Variants in ZNF280D observed in about 807,000 individuals in gnomAD.
ZNF280D encodes suppressor of hairy wing homolog 4.
In ZNF280D, 39 loss-of-function variants were observed where a neutral mutation model predicts 94.7. The observed-to-expected ratio is 0.41, with a 90% confidence interval of 0.32 to 0.54. The LOEUF is 0.54. Ranked by LOEUF, ZNF280D falls within the 20% of genes least tolerant of loss-of-function variation. The pLI, the probability that ZNF280D is intolerant of heterozygous loss-of-function variation, is 0.22. For missense variants in ZNF280D, 1,090 were observed against 1,149.3 expected (o/e 0.95, Z 0.75); for synonymous variants, 398 against 377.6 (o/e 1.05, Z -0.63).
intron 1 of ZNF280D, chr15:56,724,825 T>C (rs1239760972): frequency 8.9e-6 from 4 of 448,100 alleles, no homozygotes; most frequent in African/African-American, 6.0e-5. Flanking sequence ...GTCACTGAAG[T>C]AGTGCCAATT....
At chr15:56,639,505 C>T (rs1016347462) in intron 20 of ZNF280D, among the ~76,000 whole-genome samples, 11 of 151,946 alleles carry the variant, frequency 7.2e-5, no homozygotes, top group African/African-American at 1.2e-4. Flanking sequence ...ACATATCATG[C>T]GATTTCAAAA....
intron 6 of ZNF280D, among the ~76,000 whole-genome samples, chr15:56,694,566 T>G (rs929871806): frequency 6.6e-6 from 1 of 152,054 alleles, no homozygotes; most frequent in African/African-American, 2.4e-5. Flanking sequence ...ACGAAATACC[T>G]TTTTTCCAAA....
chr15:56,729,934 GATTTTTT>G lies in ZNF280D; in HGVS notation c.-86+3517_-86+3523del, dbSNP rs2058805515. ...GTTATGTAATTAAATGCATGAAATA[GATTTTTT>G]ATTTTTTATTTTTCTAAGTACATAC... On this transcript the variant is annotated intron_variant, in intron 1 of 21. Transcript: ENST00000267807. 9 of 152,238 alleles carry G rather than the reference GATTTTTT, an allele frequency of 5.9e-5. No homozygotes were observed. The South Asian group carries it at 1.7e-3, about 28-fold the overall frequency. 9.4% of individuals were successfully genotyped at this position (152,238 alleles called of 1,614,324 possible).
intron 1 of ZNF280D, among the ~76,000 whole-genome samples, chr15:56,723,084 G>T (rs78356680): frequency 8.0e-6 from 1 of 124,670 alleles, no homozygotes; most frequent in Non-Finnish European, 1.6e-5. Context: ...ATTGTGGGGT[G>T]GGGGGAGGGG....
In ZNF280D at chr15:56,668,965, G is replaced by C; in HGVS notation, c.1411-8C>G. 1 of 1,589,056 alleles carries C rather than the reference G, an allele frequency of 6.3e-7. No homozygotes were observed. Among genetic ancestry groups the C allele is most frequent in the Non-Finnish European group, 8.5e-7 (1 of 1,171,422 alleles). On this transcript the variant is annotated splice_polypyrimidine_tract_variant and splice_region_variant and intron_variant, in intron 13 of 21. Coordinates refer to ENST00000267807, the MANE Select transcript of ZNF280D (RefSeq NM_017661.4). ...ACGATGTATTCCTTTTTTCTGTTTA[G>C]AAAAAAACAGAAAAAGGGGGAAAAA...
At chr15:56,686,995 CA>C (rs1319537630) in intron 9 of ZNF280D, among the ~76,000 whole-genome samples, 1 of 151,534 alleles carries the variant, frequency 6.6e-6, no homozygotes, top group African/African-American at 2.4e-5. Context: ...TGCTAGTTGG[CA>C]AAAAAATCAT....
Position 56,712,887 on chromosome 15 carries a change from C to T in ZNF280D, c.-85-5581G>A, listed in dbSNP as rs544819848. ...TCCCGAGTAGCTGGGATTATAGGTG[C>T]GCACCATCATGCCCAACTAATTTTG... On this transcript the variant is annotated intron_variant, in intron 1 of 21. Transcript: ENST00000267807. Among the ~76,000 whole-genome samples, 7 of 151,712 alleles carry T rather than the reference C, an allele frequency of 4.6e-5. No individual in the cohort carries two copies. In the South Asian group the frequency reaches 6.3e-4, roughly 14 times the overall value.
chr15:56,730,399 AT>A (rs1197109831), intron 1 of ZNF280D: 2 of 152,216 alleles, frequency 1.3e-5, no homozygotes, highest in Non-Finnish European at 2.9e-5. Flanking sequence ...CAATAGAAAT[AT>A]CCAATTTCCT....
Position 56,630,714 on chromosome 15 carries a change from T to C in ZNF280D, c.*784A>G, listed in dbSNP as rs1403303586. 6.6e-6 allele frequency: 1 copy of C among 152,184 alleles called. No homozygotes were observed. Among genetic ancestry groups the C allele is most frequent in the Non-Finnish European group, 1.5e-5 (1 of 68,014 alleles). The allele number at this position is 152,184 out of a possible 1,614,324, so 9.4% of individuals were successfully genotyped here. A position where few individuals can be genotyped will look rare whatever the true frequency, so the allele number is the denominator to read the frequency against. ...TACAGGAGTTTCAACAATGGGTTTCTACTTTACATTAATACAACTAATACA... is the reference window on the plus strand; with the variant it reads ...TACAGGAGTTTCAACAATGGGTTTCCACTTTACATTAATACAACTAATACA... On this transcript the variant is annotated 3_prime_UTR_variant, in exon 22 of 22. Transcript: ENST00000267807.
chr15:56,679,259 C>T (rs1335778359), intron 10 of ZNF280D, among the ~76,000 whole-genome samples: 1 of 152,132 alleles, frequency 6.6e-6, no homozygotes, highest in African/African-American at 2.4e-5. Flanking sequence ...AACCCTATCA[C>T]CAAAGGCAGC....
At chr15:56,667,761 T>C (rs907923575) in intron 14 of ZNF280D, among the ~76,000 whole-genome samples, 1 of 152,098 alleles carries the variant, frequency 6.6e-6, no homozygotes, top group Admixed American at 6.6e-5. Context: ...AAGGCCTTCC[T>C]AGCCATGTGA....
intron 13 of ZNF280D, among the ~76,000 whole-genome samples, chr15:56,671,096 T>C (rs990833447): frequency 1.3e-5 from 2 of 152,140 alleles, no homozygotes; most frequent in Non-Finnish European, 2.9e-5. Context: ...ATGCATAGTT[T>C]GCAAAAATTT....
intron 6 of ZNF280D, chr15:56,700,499 A>C: frequency 1.0e-6 from 1 of 1,002,058 alleles, no homozygotes; most frequent in Non-Finnish European, 1.2e-6. Context: ...AGTTTTTTGT[A>C]ATAGGAAAAA....
Position 56,658,430 on chromosome 15 carries a change from T to G in ZNF280D, c.2051A>C (p.Asn684Thr). The G allele has an allele frequency of 6.3e-7, 1 of 1,588,728 alleles. No individual in the cohort carries two copies. Among genetic ancestry groups the G allele is most frequent in the Non-Finnish European group, 8.5e-7 (1 of 1,172,232 alleles). ...AAAAAGATCAACTAGTTACCGGAGA[T>G]TTTCTGAATGCTTCTTAAAAATACA... is the stretch of plus-strand genomic sequence containing the variant. ...RFCIFKKHSE[N>T]LRGITLVCLN... is the part of the protein sequence containing the mutation. The change falls in exon 17 of 22, where the codon AAT becomes ACT. Residue 684 changes from asparagine (N) to threonine (T), a missense_variant. Physicochemically the swap from Asn to Thr is moderately conservative, Grantham distance 65. This residue lies in a region of ZNF280D where 577 missense variants were observed against 568.8 expected (regional missense o/e 1.01). Coordinates refer to ENST00000267807, the MANE Select transcript of ZNF280D (RefSeq NM_017661.4).
intron 19 of ZNF280D, chr15:56,652,960 ACAT>A: frequency 1.1e-6 from 1 of 913,526 alleles, no homozygotes; most frequent in African/African-American, 1.8e-5. Context: ...ATAAAAATAG[ACAT>A]CATAAAATAG....
Position 56,703,822 on chromosome 15 carries a change from C to A in ZNF280D, c.175+299G>T, listed in dbSNP as rs142750118. On this transcript the variant is annotated intron_variant, in intron 4 of 21. Transcript: ENST00000267807. ...TGAGCTGTGACTGCATCACTGCACT[C>A]CAGACTAGCGACAGAGTGAGACCCT... Among the ~76,000 whole-genome samples, 383 of 151,632 alleles carry A rather than the reference C, an allele frequency of 2.5e-3. 2 individuals are homozygous for A. Among genetic ancestry groups the A allele is most frequent in the Middle Eastern group, 0.017 (5 of 294 alleles).
chr15:56,709,655 T>G (rs769129130), intron 1 of ZNF280D, among the ~76,000 whole-genome samples: 42 of 152,294 alleles, frequency 2.8e-4, no homozygotes, highest in Non-Finnish European at 4.6e-4. Flanking sequence ...GTGGCACATA[T>G]ACACCATGGA....
chr15:56,665,961 C>T (rs532853231), intron 16 of ZNF280D, among the ~76,000 whole-genome samples: 2 of 152,092 alleles, frequency 1.3e-5, no homozygotes, highest in East Asian at 1.9e-4. Context: ...CATGGTGAAA[C>T]CCTGTCTCTA....
At position 56,731,936 on chromosome 15, in the gene ZNF280D, G is replaced by A. The variant is rs185829501; in HGVS notation, c.-86+1522C>T. On this transcript the variant is annotated intron_variant, in intron 1 of 21. Transcript: ENST00000267807. ...ACCTGTAATCCCAGCTACGGAGGCT[G>A]AGGTGAGAGGTCAGCTTGAGCCCAG... 1.6e-3 allele frequency among the ~76,000 whole-genome samples: 242 copies of A among 152,330 alleles called. 1 individual carries two copies. The highest frequency in any genetic ancestry group is 3.0e-3 in the Non-Finnish European group (204 of 68,024).
Sources: allele counts gnomAD v4.1 joint callset (sites outside exome capture counted in the v4.1 genomes callset), GRCh38; gene constraint gnomAD v4.1.1; regional missense constraint gnomAD v4.1.1; transcripts MANE v1.5; gene names NCBI Gene and HGNC (gene_info 2026-07-23, HGNC 2026-07-21).